NME7: variants seen among roughly 807,000 people sequenced by gnomAD.
The protein encoded by NME7 is NME/NM23 family member 7.
NME7 carries 41 observed loss-of-function variants against 49.1 expected under a neutral mutation model. The ratio of observed to expected loss-of-function variants is 0.83; its 90% CI spans 0.65 to 1.08. The LOEUF (loss-of-function observed/expected upper bound fraction) is 1.08. Ranked by LOEUF, NME7 falls within the 50% of genes least tolerant of loss-of-function variation. NME7 has a pLI of 0.00. For missense variants in NME7, 423 were observed against 463.4 expected (o/e 0.91, Z 0.80); for synonymous variants, 139 against 150.6 (o/e 0.92, Z 0.56).
chr1:169,283,379 T>C (rs538634003), intron 7 of NME7, among the ~76,000 whole-genome samples: 2 of 152,310 alleles, frequency 1.3e-5, no homozygotes, highest in South Asian at 2.1e-4. Context: ...AGCACACTGA[T>C]GGGTCTTGAC....
chr1:169,252,902 T>A (rs1353374130), intron 7 of NME7, among the ~76,000 whole-genome samples: 1 of 149,794 alleles, frequency 6.7e-6, no homozygotes, highest in Non-Finnish European at 1.5e-5. Context: ...GAGGGCTCTG[T>A]TCTGTTCCAT....
intron 11 of NME7, among the ~76,000 whole-genome samples, chr1:169,149,582 GCA>G (rs550572440): frequency 6.0e-4 from 92 of 152,188 alleles, no homozygotes; most frequent in African/African-American, 2.0e-3. Context: ...TATAAATTAT[GCA>G]CAGTTAAGGG....
At chr1:169,165,762 A>G (rs965456941) in intron 11 of NME7, among the ~76,000 whole-genome samples, 1 of 152,220 alleles carries the variant, frequency 6.6e-6, no homozygotes, top group African/African-American at 2.4e-5. Flanking sequence ...CTGAAGCCAA[A>G]TAATAATCTG....
rs1310120688 is a variant in NME7 at position 169,257,889 on chromosome 1, T to C, written c.755-20202A>G. On this transcript the variant is annotated intron_variant, in intron 7 of 11. Coordinates refer to ENST00000367811, the MANE Select transcript of NME7 (RefSeq NM_013330.5). ...AATCCCTTCTGGCTTAAAAGGTTTC[T>C]GCTGAGGAAATCTCTTAGTTTTTCA... Among the ~76,000 whole-genome samples, 2 of 134,156 alleles carry C rather than the reference T, an allele frequency of 1.5e-5. 1 individual carries two copies. The highest frequency in any genetic ancestry group is 3.5e-5 in the Non-Finnish European group (2 of 57,098). 88.0% of individuals were successfully genotyped at this position (134,156 alleles called of 152,430 possible).
chr1:169,227,784 A>C (rs1176475633), intron 10 of NME7, among the ~76,000 whole-genome samples: 1 of 152,112 alleles, frequency 6.6e-6, no homozygotes, highest in African/African-American at 2.4e-5. Context: ...TTAAGTTTCC[A>C]ACACATGAAC....
At chr1:169,190,002 C>G (rs1458273861) in intron 10 of NME7, among the ~76,000 whole-genome samples, 1 of 152,038 alleles carries the variant, frequency 6.6e-6, no homozygotes, top group Non-Finnish European at 1.5e-5. Context: ...TCAAAAGAAA[C>G]TATGAAATAA....
chr1:169,306,923 C>T (rs975751155), intron 4 of NME7, among the ~76,000 whole-genome samples: 2 of 152,120 alleles, frequency 1.3e-5, no homozygotes, highest in African/African-American at 4.8e-5. Flanking sequence ...GATGGGAAAG[C>T]AAATAGAGCA....
At chr1:169,223,952 T>C (rs1355982712) in intron 10 of NME7, among the ~76,000 whole-genome samples, 3 of 152,200 alleles carry the variant, frequency 2.0e-5, no homozygotes, top group Non-Finnish European at 4.4e-5. Context: ...TCATTTTCTG[T>C]ATTTGTATAT....
intron 10 of NME7, among the ~76,000 whole-genome samples, chr1:169,229,862 T>G (rs1410975372): frequency 6.6e-6 from 1 of 151,758 alleles, no homozygotes; most frequent in East Asian, 1.9e-4. Context: ...CTCAGATGGC[T>G]GAGGCAGGAG....
At chr1:169,252,632 C>T (rs1417292307) in intron 7 of NME7, among the ~76,000 whole-genome samples, 2 of 152,052 alleles carry the variant, frequency 1.3e-5, no homozygotes, top group Non-Finnish European at 2.9e-5. Context: ...ATGAAGTCGT[C>T]GCCTATGCCT....
rs1331525559 is a variant in NME7 at position 169,323,270 on chromosome 1, T to C, written c.125A>G (p.Asn42Ser). 3 of 1,597,124 alleles carry C rather than the reference T, an allele frequency of 1.9e-6. No individual in the cohort carries two copies. ...DGSVEMHDVK[N>S]HRTFLKRTKY... Reference sequence around the variant, plus strand: ...GGTCCGCTTTAAAAAGGTGCGATGATTCTTTACATCATGCTAGAACCAGAC... The same window carrying C: ...GGTCCGCTTTAAAAAGGTGCGATGACTCTTTACATCATGCTAGAACCAGAC... The change falls in exon 3 of 12, where the codon AAT (asparagine) becomes AGT (serine). Residue 42 changes from asparagine to serine, a missense_variant. Asn to Ser is a conservative substitution (Grantham distance 46). Coordinates refer to ENST00000367811, the MANE Select transcript of NME7 (RefSeq NM_013330.5).
chr1:169,301,539 G>A (rs1052311692), intron 5 of NME7, among the ~76,000 whole-genome samples: 2 of 151,974 alleles, frequency 1.3e-5, no homozygotes, highest in African/African-American at 2.4e-5. Context: ...TTAAAACAGA[G>A]CTACCATTTA....
intron 6 of NME7, among the ~76,000 whole-genome samples, chr1:169,290,169 G>C (rs1650442257): frequency 6.6e-6 from 1 of 152,008 alleles, no homozygotes; most frequent in Non-Finnish European, 1.5e-5. Context: ...TTTCACTAAA[G>C]CATTTGTAAT....
intron 5 of NME7, among the ~76,000 whole-genome samples, chr1:169,301,531 A>G (rs933330289): frequency 6.6e-6 from 1 of 152,162 alleles, no homozygotes; most frequent in African/African-American, 2.4e-5. Flanking sequence ...CAAAGAACTT[A>G]AAACAGAGCT....
chr1:169,220,952 A>G (rs894479732), intron 10 of NME7, among the ~76,000 whole-genome samples: 1 of 152,174 alleles, frequency 6.6e-6, no homozygotes, highest in African/African-American at 2.4e-5. Flanking sequence ...TACTAAATTG[A>G]CAGGCAGGAA....
intron 7 of NME7, among the ~76,000 whole-genome samples, chr1:169,279,979 G>C (rs1649936860): frequency 6.6e-6 from 1 of 152,190 alleles, no homozygotes. Context: ...TATATGCCTA[G>C]TAATGGGATT....
chr1:169,283,301 A>G (rs1166778175), intron 7 of NME7, among the ~76,000 whole-genome samples: 1 of 152,024 alleles, frequency 6.6e-6, no homozygotes, highest in Non-Finnish European at 1.5e-5. Flanking sequence ...TTGCTTGGTA[A>G]ATATTCCTCC....
At chr1:169,212,791 GT>G (rs1660865730) in intron 10 of NME7, among the ~76,000 whole-genome samples, 2 of 151,362 alleles carry the variant, frequency 1.3e-5, no homozygotes, top group Non-Finnish European at 3.0e-5. Context: ...TTTTGTTTTT[GT>G]TTTCGTTTTA....
Position 169,190,938 on chromosome 1 carries a change from G to C in NME7, c.991-21384C>G, listed in dbSNP as rs1200081. On this transcript the variant is annotated intron_variant, in intron 10 of 11. Coordinates refer to ENST00000367811, the MANE Select transcript of NME7 (RefSeq NM_013330.5). ...CGCCATTCTCCTGCCTCAGCCTCCCGAGTAGCTGGGACTACAGGCGCCCGC... is the reference window on the plus strand; with the variant it reads ...CGCCATTCTCCTGCCTCAGCCTCCCCAGTAGCTGGGACTACAGGCGCCCGC... Among the ~76,000 whole-genome samples, 4 of 104,014 alleles carry C rather than the reference G, an allele frequency of 3.8e-5. 2 individuals carry two copies. The highest frequency in any genetic ancestry group is 1.3e-4 in the African/African-American group (4 of 30,534). 68.2% of individuals were successfully genotyped at this position (104,014 alleles called of 152,430 possible).
Sources: allele counts gnomAD v4.1 joint callset (sites outside exome capture counted in the v4.1 genomes callset), GRCh38; gene constraint gnomAD v4.1.1; transcripts MANE v1.5; gene names NCBI Gene and HGNC (gene_info 2026-07-23, HGNC 2026-07-21).